Variants in ANKRD50 observed in about 807,000 individuals in gnomAD.
The protein encoded by ANKRD50 is ankyrin repeat domain 50.
In ANKRD50, 40 loss-of-function variants were observed where a neutral mutation model predicts 112.0. The observed-to-expected ratio is 0.36, with a 90% CI of 0.28 to 0.46. ANKRD50 has a LOEUF of 0.46. Among genes scored for constraint, ANKRD50 ranks in the 20% least tolerant of loss-of-function variants. The pLI, the probability that ANKRD50 is intolerant of heterozygous loss-of-function variation, is 1.00. For missense variants in ANKRD50, 1,487 were observed against 1,701.7 expected (o/e 0.87, Z 2.22); for synonymous variants, 613 against 619.1 (o/e 0.99, Z 0.15).
At position 124,672,132 on chromosome 4, in the gene ANKRD50, A is replaced by G. The variant is rs1578572693; in HGVS notation, c.1145T>C (p.Leu382Ser). Residue 382 changes from leucine (L) to serine (S), a missense_variant, in exon 4 of 5, where the codon TTG (leucine) becomes TCG (serine). Coordinates refer to ENST00000504087, the MANE Select transcript of ANKRD50 (RefSeq NM_020337.3). The stretch of plus-strand genomic sequence containing the variant: ...ATCTAACTTGCGTTGAAAATCTTCC[A>G]AAGTTAACGACATGTTTTTGGTCCA... Reference protein sequence around the residue: ...AVWTKNMSLTLEDFQRKLDIL... With the variant: ...AVWTKNMSLTSEDFQRKLDIL... The G allele has an allele frequency of 1.2e-6, 2 of 1,613,786 alleles. No homozygotes were observed. Among genetic ancestry groups the G allele is most frequent in the Admixed American group, 1.7e-5 (1 of 59,966 alleles).
At position 124,665,020 on chromosome 4, in the gene ANKRD50, C is replaced by T. The variant is rs919967641; in HGVS notation, c.*2498G>A. ...CATCATAGTTGTGTAGTGGCAACAG[C>T]TGATTTATAAAATTTAAAGATTTTA... On this transcript the variant is annotated 3_prime_UTR_variant, in exon 5 of 5. Transcript: ENST00000504087. The T allele has an allele frequency of 1.3e-5, 2 of 151,822 alleles. No homozygotes were observed. Among genetic ancestry groups the T allele is most frequent in the Non-Finnish European group, 2.9e-5 (2 of 67,840 alleles). The allele number at this position is 151,822 out of a possible 1,614,324, so 9.4% of individuals were successfully genotyped here. A position where few individuals can be genotyped will look rare whatever the true frequency, so the allele number is the denominator to read the frequency against.
intron 2 of ANKRD50, among the ~76,000 whole-genome samples, chr4:124,685,307 T>C (rs1231976055): frequency 3.2e-4 from 49 of 152,204 alleles, no homozygotes; most frequent in Non-Finnish European, 1.6e-4. Context: ...TGAATGATAC[T>C]TGATGGAAAA....
intron 1 of ANKRD50, among the ~76,000 whole-genome samples, chr4:124,712,050 G>T (rs1268405313): frequency 6.6e-6 from 1 of 152,106 alleles, no homozygotes; most frequent in Non-Finnish European, 1.5e-5. Flanking sequence ...GCACCACCTT[G>T]GGTTGGAACC....
In ANKRD50 at chr4:124,669,036, A is replaced by G; in HGVS notation, c.4241T>C (p.Ile1414Thr). 1.2e-6 allele frequency: 2 copies of G among 1,612,386 alleles called. No individual in the cohort carries two copies. Among genetic ancestry groups the G allele is most frequent in the Non-Finnish European group, 1.7e-6 (2 of 1,179,376 alleles). Residue 1414 changes from isoleucine to threonine, a missense_variant, in exon 4 of 5, where the codon ATT (isoleucine) becomes ACT (threonine). Physicochemically the swap from Ile to Thr is moderately conservative, Grantham distance 89 (BLOSUM62 -1). Around this residue, in one of 2 missense-constraint regions of ANKRD50, gnomAD observed 441 missense variants for 432.2 expected, o/e 1.02. Coordinates refer to ENST00000504087, the MANE Select transcript of ANKRD50 (RefSeq NM_020337.3). Reference protein sequence around the residue: ...LSLKQALKLQIEGSDPSFNYK... With the variant: ...LSLKQALKLQTEGSDPSFNYK... ...GTTGAAGCTAGGGTCAGAACCTTCA[A>G]TCTGAAGCTTCAGAGCTTGTTTAAG...
rs773952104 is a variant in ANKRD50 at position 124,671,026 on chromosome 4, G to A, written c.2251C>T (p.Pro751Ser). ...VDHCDKDGMT[P>S]LLVAAYEGHV... The stretch of plus-strand genomic sequence containing the variant: ...CCTTCATAGGCAGCTACCAGCAGTG[G>A]AGTCATGCCATCTTTATCACAATGA... The change falls in exon 4 of 5, where the codon CCA (proline) becomes TCA (serine). Residue 751 changes from proline (P) to serine (S), a missense_variant. Physicochemically the swap from Pro to Ser is moderately conservative, Grantham distance 74. This residue lies in a region of ANKRD50 where 1,046 missense variants were observed against 1,269.5 expected (regional missense o/e 0.82). Coordinates refer to ENST00000504087, the MANE Select transcript of ANKRD50 (RefSeq NM_020337.3). 8 of 1,613,652 alleles carry A rather than the reference G, an allele frequency of 5.0e-6. No homozygotes were observed. The highest frequency in any genetic ancestry group is 2.7e-5 in the African/African-American group (2 of 74,862).
Position 124,666,907 on chromosome 4 carries a change from TATAAA to T in ANKRD50, c.*606_*610del, listed in dbSNP as rs1286214172. The T allele has an allele frequency of 7.2e-5, 11 of 152,288 alleles. No individual in the cohort carries two copies. Among genetic ancestry groups the T allele is most frequent in the Admixed American group, 3.3e-4 (5 of 15,250 alleles). The allele number at this position is 152,288 out of a possible 1,614,324, so 9.4% of individuals were successfully genotyped here. On this transcript the variant is annotated 3_prime_UTR_variant, in exon 5 of 5. Coordinates refer to ENST00000504087, the MANE Select transcript of ANKRD50 (RefSeq NM_020337.3). The stretch of plus-strand genomic sequence containing the variant: ...TACTTAAAGCAGCTCCCTAAACTAC[TATAAA>T]ATATTTTTTTTAAACTGCCAAGAAA...
At position 124,671,616 on chromosome 4, in the gene ANKRD50, T is replaced by C. The variant is rs369682029; in HGVS notation, c.1661A>G (p.Tyr554Cys). ...NGRTLLANAA[Y>C]SGSLDVVNLL... ...ATTGACTACATCAAGACTGCCACTA[T>C]ATGCAGCATTAGCCAATAATGTTCT... The change falls in exon 4 of 5, where the codon TAT becomes TGT. Residue 554 changes from tyrosine to cysteine, a missense_variant. Transcript: ENST00000504087. 7 of 1,613,806 alleles carry C rather than the reference T, an allele frequency of 4.3e-6. No individual in the cohort carries two copies. The highest frequency in any genetic ancestry group is 3.3e-5 in the South Asian group (3 of 91,088).
Position 124,669,027 on chromosome 4 carries a change from G to A in ANKRD50, c.4250C>T (p.Ser1417Phe), listed in dbSNP as rs774247434. The change falls in exon 4 of 5, where the codon TCT becomes TTT. Residue 1417 changes from serine to phenylalanine, a missense_variant. By Grantham distance (155) the Ser-to-Phe change is radical (BLOSUM62 -2). Transcript: ENST00000504087. ...CTTTTTATAGTTGAAGCTAGGGTCA[G>A]AACCTTCAATCTGAAGCTTCAGAGC... ...KQALKLQIEGSDPSFNYKKET... is the reference protein window; with the variant it reads ...KQALKLQIEGFDPSFNYKKET... The A allele has an allele frequency of 6.2e-7, 1 of 1,612,138 alleles. No homozygotes were observed. Among genetic ancestry groups the A allele is most frequent in the East Asian group, 2.2e-5 (1 of 44,838 alleles).
At chr4:124,667,845 T>C (rs1730532781) in intron 4 of ANKRD50, among the ~76,000 whole-genome samples, 1 of 152,020 alleles carries the variant, frequency 6.6e-6, no homozygotes. Context: ...TTTATTCAAA[T>C]TATTTTTGAA....
intron 2 of ANKRD50, among the ~76,000 whole-genome samples, chr4:124,699,049 G>T (rs765389291): frequency 3.3e-5 from 5 of 152,076 alleles, no homozygotes; most frequent in African/African-American, 4.8e-5. Context: ...ACTAGAGTTT[G>T]TAACAATTAC....
chr4:124,678,823 T>G lies in ANKRD50; in HGVS notation c.595A>C (p.Asn199His), dbSNP rs1724806677. 6.2e-7 allele frequency: 1 copy of G among 1,613,774 alleles called. No individual in the cohort carries two copies. Among genetic ancestry groups the G allele is most frequent in the African/African-American group, 1.3e-5 (1 of 74,896 alleles). Residue 199 changes from asparagine to histidine, a missense_variant, in exon 3 of 5, where the codon AAC becomes CAC. By Grantham distance (68) the Asn-to-His change is moderately conservative. Transcript: ENST00000504087. ...GACGTTTGTTCACCTTCAGTAATGT[T>G]ACACCCTTCATCAACAGAATCAACA... is the stretch of plus-strand genomic sequence containing the variant. ...LLVDSVDEGC[N>H]ITEGEQTSTS... is the part of the protein sequence containing the mutation.
At chr4:124,687,205 C>T (rs1056922782) in intron 2 of ANKRD50, among the ~76,000 whole-genome samples, 11 of 152,062 alleles carry the variant, frequency 7.2e-5, no homozygotes, top group Admixed American at 7.2e-4. Context: ...AATATAGGAA[C>T]ATGATTTTTC....
intron 2 of ANKRD50, among the ~76,000 whole-genome samples, chr4:124,689,700 C>A (rs567693823): frequency 6.6e-6 from 1 of 152,292 alleles, no homozygotes; most frequent in Admixed American, 6.5e-5. Flanking sequence ...GATTCTCAGG[C>A]CTCTGGGCTC....
In ANKRD50 at chr4:124,703,192, G is replaced by A. The variant is rs542828452; in HGVS notation, c.512+6808C>T. Among the ~76,000 whole-genome samples, 8 of 152,134 alleles carry A rather than the reference G, an allele frequency of 5.3e-5. No individual in the cohort carries two copies. In the South Asian group the frequency reaches 1.7e-3, roughly 32 times the overall value. ...CAGTGCGAGATTCTGAAAGAAAAAAGTACAAATACTGAAAAAAAATACCTA... is the reference window on the plus strand; with the variant it reads ...CAGTGCGAGATTCTGAAAGAAAAAAATACAAATACTGAAAAAAAATACCTA... On this transcript the variant is annotated intron_variant, in intron 2 of 4. Transcript: ENST00000504087.
Position 124,672,392 on chromosome 4 carries a change from C to T in ANKRD50, c.885G>A (p.Leu295=). The change falls in exon 4 of 5, where the codon CTG becomes CTA. Residue 295 remains leucine, a synonymous_variant. Coordinates refer to ENST00000504087, the MANE Select transcript of ANKRD50 (RefSeq NM_020337.3). The part of the protein sequence containing the change: ...TKETAEMLNQ[L]HIKSSGCFLY... ...GAAAGCATCCACTGCTTTTAATGTG[C>T]AGTTGATTTAACATCTCTGCAGTTT... is the stretch of plus-strand genomic sequence containing the variant. 1 of 1,613,254 alleles carries T rather than the reference C, an allele frequency of 6.2e-7. No individual in the cohort carries two copies. The highest frequency in any genetic ancestry group is 8.5e-7 in the Non-Finnish European group (1 of 1,179,728).
chr4:124,678,884 C>T lies in ANKRD50; in HGVS notation c.534G>A (p.Leu178=). The change falls in exon 3 of 5, where the codon CTG becomes CTA. Residue 178 remains leucine, a synonymous_variant. Transcript: ENST00000504087. Reference sequence around the variant, plus strand: ...GGCTTTGCTGGGGAGGCTTCATTCCCAGAAGAGGGAGTAGAACACACCTGT... The same window carrying T: ...GGCTTTGCTGGGGAGGCTTCATTCCTAGAAGAGGGAGTAGAACACACCTGT... The part of the protein sequence containing the change: ...AFKRCVLLPL[L]GMKPPQQSLY... 1 of 1,612,864 alleles carries T rather than the reference C, an allele frequency of 6.2e-7. No homozygotes were observed. The highest frequency in any genetic ancestry group is 8.5e-7 in the Non-Finnish European group (1 of 1,179,024).
At chr4:124,694,849 A>C (rs1436995154) in intron 2 of ANKRD50, among the ~76,000 whole-genome samples, 1 of 152,206 alleles carries the variant, frequency 6.6e-6, no homozygotes, top group African/African-American at 2.4e-5. Context: ...CAGGAAGAAC[A>C]AAGATGTAGA....
chr4:124,668,421 A>C (rs1487403570), intron 4 of ANKRD50, among the ~76,000 whole-genome samples: 2 of 152,116 alleles, frequency 1.3e-5, no homozygotes, highest in Non-Finnish European at 2.9e-5. Flanking sequence ...GAATGAAATT[A>C]ATATTTACTA....
intron 2 of ANKRD50, among the ~76,000 whole-genome samples, chr4:124,700,082 C>A (rs1246658548): frequency 6.6e-6 from 1 of 152,148 alleles, no homozygotes; most frequent in Non-Finnish European, 1.5e-5. Context: ...TGATTTAAGA[C>A]AATGACTGGC....
Sources: allele counts gnomAD v4.1 joint callset (sites outside exome capture counted in the v4.1 genomes callset), GRCh38; gene constraint gnomAD v4.1.1; regional missense constraint gnomAD v4.1.1; transcripts MANE v1.5; gene names NCBI Gene and HGNC (gene_info 2026-07-23, HGNC 2026-07-21).